CTNNA2: variants seen among roughly 807,000 people sequenced by gnomAD.
CTNNA2 encodes catenin alpha-2.
In CTNNA2, 42 loss-of-function variants were observed where a neutral mutation model predicts 101.0. The observed-to-expected ratio is 0.42, with a 90% CI of 0.32 to 0.54. The LOEUF is 0.54. Among genes scored for constraint, CTNNA2 ranks in the 20% least tolerant of loss-of-function variants. The probability of loss-of-function intolerance (pLI) is 0.14; values close to 1 mark genes in which losing one functional copy is unlikely to be tolerated. For missense variants in CTNNA2, 871 were observed against 1,223.1 expected, an observed-to-expected ratio of 0.71 and a Z score of 4.29; for synonymous variants, 450 against 456.4, an observed-to-expected ratio of 0.99 and a Z score of 0.18.
chr2:80,133,247 G>A (rs1702508281), intron 7 of CTNNA2, among the ~76,000 whole-genome samples: 2 of 152,124 alleles, frequency 1.3e-5, no homozygotes, highest in African/African-American at 4.8e-5. Flanking sequence ...AGCTGGAAGA[G>A]GCGAGGAAGG....
rs545615144 is a variant in CTNNA2 at position 79,330,726 on chromosome 2, G to A, written c.-318+17930G>A. On this transcript the variant is annotated intron_variant, in intron 3 of 21. Transcript: ENST00000466387. ...AAGAGATCTGATGGTCTTATAAAGG[G>A]GAGTTCCCCTGCACATGTTCTCTTG... 8.2e-4 allele frequency among the ~76,000 whole-genome samples: 125 copies of A among 152,188 alleles called. 1 individual carries two copies. Among genetic ancestry groups the A allele is most frequent in the African/African-American group, 2.9e-3 (120 of 41,544 alleles).
At chr2:80,194,101 C>T (rs929443577) in intron 7 of CTNNA2, among the ~76,000 whole-genome samples, 1 of 152,170 alleles carries the variant, frequency 6.6e-6, no homozygotes, top group Non-Finnish European at 1.5e-5. Flanking sequence ...TGCTGTTTAG[C>T]AATTTTAATT....
At chr2:79,725,863 G>C (rs1250843233) in intron 2 of CTNNA2, among the ~76,000 whole-genome samples, 2 of 152,156 alleles carry the variant, frequency 1.3e-5, no homozygotes, top group African/African-American at 2.4e-5. Context: ...CCAGGAGGAA[G>C]TAATTGAAAC....
In CTNNA2 at chr2:79,954,214, G is replaced by T. The variant is rs552587887; in HGVS notation, c.1056+44417G>T. ...TCACTATCATGAGAACAGCATGGGG[G>T]AAACCACCCCAAAAATCCAGTGATT... On this transcript the variant is annotated intron_variant, in intron 7 of 18. Coordinates refer to ENST00000402739, the MANE Select transcript of CTNNA2 (RefSeq NM_001282597.3). Among the ~76,000 whole-genome samples the T allele has an allele frequency of 3.9e-5, 6 of 152,222 alleles. No homozygotes were observed. In the South Asian group the frequency reaches 1.2e-3, roughly 32 times the overall value.
chr2:80,164,633 G>A (rs1456571947), intron 7 of CTNNA2, among the ~76,000 whole-genome samples: 3 of 151,238 alleles, frequency 2.0e-5, no homozygotes, highest in African/African-American at 7.3e-5. Flanking sequence ...TTATATTCTA[G>A]CCTTCCCCCA....
Position 80,290,552 on chromosome 2 carries a change from A to AT in CTNNA2, c.1057-102651dup, listed in dbSNP as rs890160761. 6.0e-4 allele frequency among the ~76,000 whole-genome samples: 91 copies of AT among 151,044 alleles called. 1 individual carries two copies. The highest frequency in any genetic ancestry group is 1.7e-3 in the African/African-American group (70 of 41,130). On this transcript the variant is annotated intron_variant, in intron 7 of 18. Transcript: ENST00000402739. ...TTATCTAGCTCAGTGTTTCCCAGCCATTTTTTTTCATTCTCCCACTGCCCC... is the reference window on the plus strand; with the variant it reads ...TTATCTAGCTCAGTGTTTCCCAGCCATTTTTTTTTCATTCTCCCACTGCCCC...
chr2:79,498,581 G>T (rs79820046), intron 4 of CTNNA2, among the ~76,000 whole-genome samples: 8 of 151,994 alleles, frequency 5.3e-5, no homozygotes, highest in African/African-American at 1.7e-4. Flanking sequence ...CTTAACCGCT[G>T]CCTCGGAGCA....
At chr2:79,726,313 T>G (rs903887214) in intron 2 of CTNNA2, among the ~76,000 whole-genome samples, 6 of 152,172 alleles carry the variant, frequency 3.9e-5, no homozygotes, top group African/African-American at 1.4e-4. Flanking sequence ...AAGTAGTTTG[T>G]GGTTTAATGC....
intron 1 of CTNNA2, among the ~76,000 whole-genome samples, chr2:79,643,388 C>T (rs1003350145): frequency 3.9e-5 from 6 of 152,036 alleles, no homozygotes; most frequent in South Asian, 2.1e-4. Context: ...CTTAAAGTGT[C>T]GTTCCTGAAC....
chr2:80,599,685 T>C (rs1221862556), intron 15 of CTNNA2, among the ~76,000 whole-genome samples: 2 of 152,170 alleles, frequency 1.3e-5, no homozygotes, highest in Non-Finnish European at 2.9e-5. Context: ...TCAGAACACA[T>C]ATGAGATATT....
chr2:79,814,825 C>T (rs954538920), intron 3 of CTNNA2, among the ~76,000 whole-genome samples: 3 of 152,054 alleles, frequency 2.0e-5, no homozygotes, highest in African/African-American at 7.2e-5. Flanking sequence ...AATGGTAGTA[C>T]TTTTAGTTCT....
chr2:80,622,428 G>A (rs1174493894), intron 18 of CTNNA2, among the ~76,000 whole-genome samples: 7 of 151,904 alleles, frequency 4.6e-5, no homozygotes, highest in Admixed American at 6.6e-5. Flanking sequence ...TGATGGAAAT[G>A]TCCATCAGCT....
chr2:79,610,770 G>A (rs967932756), intron 1 of CTNNA2, among the ~76,000 whole-genome samples: 4 of 152,116 alleles, frequency 2.6e-5, no homozygotes, highest in Admixed American at 6.6e-5. Flanking sequence ...TTTGAGGGTA[G>A]TGTGCATTAT....
intron 7 of CTNNA2, among the ~76,000 whole-genome samples, chr2:80,337,055 G>A (rs1439129120): frequency 6.6e-6 from 1 of 152,098 alleles, no homozygotes; most frequent in Non-Finnish European, 1.5e-5. Context: ...TGGGGTGTGG[G>A]CATAAGAAAA....
At chr2:80,576,046 T>G (rs1366485218) in intron 13 of CTNNA2, among the ~76,000 whole-genome samples, 3 of 152,166 alleles carry the variant, frequency 2.0e-5, no homozygotes, top group Non-Finnish European at 4.4e-5. Context: ...AAAAAATCCC[T>G]TGTGCTAAGG....
chr2:80,180,751 G>A (rs961030278), intron 7 of CTNNA2, among the ~76,000 whole-genome samples: 11 of 152,082 alleles, frequency 7.2e-5, no homozygotes, highest in South Asian at 6.2e-4. Context: ...AAATTGACTC[G>A]TCTATCCCAA....
intron 9 of CTNNA2, among the ~76,000 whole-genome samples, chr2:80,452,346 C>T (rs1442503200): frequency 6.6e-6 from 1 of 151,598 alleles, no homozygotes; most frequent in Non-Finnish European, 1.5e-5. Context: ...GTGCTAGGTA[C>T]CATAAACATG....
intron 9 of CTNNA2, 65 bp from the exon 10 acceptor site, chr2:80,544,917 G>A: frequency 7.3e-7 from 1 of 1,370,256 alleles, no homozygotes; most frequent in Non-Finnish European, 1.0e-6. Flanking sequence ...AAGGTCCAAG[G>A]CGGAGCAACA....
chr2:79,301,533 A>C (rs1242066080), intron 2 of CTNNA2, among the ~76,000 whole-genome samples: 1 of 152,194 alleles, frequency 6.6e-6, no homozygotes, highest in Non-Finnish European at 1.5e-5. Context: ...GTAATGATCC[A>C]GTGCTGTATG....
Sources: gnomAD v4.1 joint callset for allele counts (sites outside exome capture counted in the v4.1 genomes callset) on GRCh38, gnomAD v4.1.1 for gene constraint, MANE v1.5 for transcripts, NCBI Gene and HGNC (gene_info 2026-07-23, HGNC 2026-07-21) for gene names.